Variants in PARM1 observed in about 807,000 individuals in gnomAD.
PARM1 encodes the protein WSC4, cell wall integrity and stress response component 4 homolog.
PARM1 carries 14 observed loss-of-function variants against 24.6 expected under a neutral mutation model. That is an observed-to-expected ratio of 0.57 (90% CI 0.38 to 0.89). The LOEUF is 0.89. Among genes scored for constraint, PARM1 ranks in the 40% least tolerant of loss-of-function variants. The pLI is 0.00. For synonymous variants in PARM1, 179 were observed against 156.6 expected (o/e 1.14, Z -1.07); for missense variants, 362 against 380.4 (o/e 0.95, Z 0.40).
At chr4:75,001,824 T>G (rs1028972227) in intron 1 of PARM1, among the ~76,000 whole-genome samples, 1 of 152,190 alleles carries the variant, frequency 6.6e-6, no homozygotes, top group Non-Finnish European at 1.5e-5. Flanking sequence ...CCCTCTAAGT[T>G]TGAGCTGTTT....
At chr4:75,000,430 C>G (rs540700431) in intron 1 of PARM1, among the ~76,000 whole-genome samples, 1 of 152,238 alleles carries the variant, frequency 6.6e-6, no homozygotes, top group East Asian at 1.9e-4. Context: ...ACAATATCAT[C>G]AAGGAGAAAG....
intron 1 of PARM1, among the ~76,000 whole-genome samples, chr4:75,001,505 G>A (rs995436775): frequency 3.9e-5 from 6 of 152,180 alleles, no homozygotes; most frequent in Non-Finnish European, 5.9e-5. Context: ...GGGGTGTTCC[G>A]GGGTGCTGAA....
intron 1 of PARM1, among the ~76,000 whole-genome samples, chr4:74,971,150 A>G (rs1467533545): frequency 6.6e-6 from 1 of 152,238 alleles, no homozygotes; most frequent in African/African-American, 2.4e-5. Context: ...ATAAAGAAAA[A>G]GAGGTTTAAT....
intron 1 of PARM1, among the ~76,000 whole-genome samples, chr4:74,946,950 A>C (rs1275223728): frequency 6.6e-6 from 1 of 152,208 alleles, no homozygotes; most frequent in Non-Finnish European, 1.5e-5. Context: ...TATTTTGTGA[A>C]GTGTACCATT....
chr4:74,966,445 C>T (rs1386616769), intron 1 of PARM1, among the ~76,000 whole-genome samples: 1 of 152,112 alleles, frequency 6.6e-6, no homozygotes, highest in African/African-American at 2.4e-5. Flanking sequence ...AGTTGCTAAA[C>T]CAACTGAAGA....
Position 75,041,810 on chromosome 4 carries a change from A to C in PARM1, c.849-4353A>C, listed in dbSNP as rs1723490228. On this transcript the variant is annotated intron_variant, in intron 3 of 3. Coordinates refer to ENST00000307428, the MANE Select transcript of PARM1 (RefSeq NM_015393.4). ...GAGCCACTAGAGAAAGAGAGCAATG[A>C]GGGAAGAGTTTAAAAGAAATCATTC... Among the ~76,000 whole-genome samples the C allele has an allele frequency of 3.3e-5, 5 of 152,172 alleles. No homozygotes were observed. In the South Asian group the frequency reaches 1.0e-3, roughly 32 times the overall value.
At chr4:74,940,471 G>C (rs757616051) in intron 1 of PARM1, among the ~76,000 whole-genome samples, 1 of 152,178 alleles carries the variant, frequency 6.6e-6, no homozygotes, top group Non-Finnish European at 1.5e-5. Context: ...TGGTTCACTA[G>C]CTGTGTCTTC....
chr4:75,019,871 C>T (rs540628365), intron 2 of PARM1, among the ~76,000 whole-genome samples: 55 of 150,372 alleles, frequency 3.7e-4, no homozygotes, highest in South Asian at 1.9e-3. Flanking sequence ...GGCGCGGTGG[C>T]GGGCGCCTGT....
intron 1 of PARM1, chr4:74,957,258 G>C (rs116229616): frequency 6.6e-6 from 1 of 152,182 alleles, no homozygotes; most frequent in African/African-American, 2.4e-5. Context: ...GTCCAAAGCC[G>C]CAGAGTTACT....
At chr4:75,026,671 A>T (rs1723187594) in intron 2 of PARM1, among the ~76,000 whole-genome samples, 1 of 152,136 alleles carries the variant, frequency 6.6e-6, no homozygotes, top group Non-Finnish European at 1.5e-5. Flanking sequence ...GGTCCTGAGT[A>T]CTCAACCATT....
At chr4:74,972,956 C>T (rs1722066188) in intron 1 of PARM1, among the ~76,000 whole-genome samples, 1 of 152,152 alleles carries the variant, frequency 6.6e-6, no homozygotes, top group Non-Finnish European at 1.5e-5. Context: ...AAAACATTGG[C>T]TCTGCCCCTT....
At chr4:74,999,186 G>A (rs1722632086) in intron 1 of PARM1, 1 of 152,254 alleles carries the variant, frequency 6.6e-6, no homozygotes, top group Non-Finnish European at 1.5e-5. Flanking sequence ...AAAGGACAAT[G>A]ATCCTCAGAT....
chr4:74,955,232 GAA>G (rs957577775), intron 1 of PARM1, among the ~76,000 whole-genome samples: 3 of 140,176 alleles, frequency 2.1e-5, no homozygotes, highest in African/African-American at 7.7e-5. Context: ...TTTGAAAAAT[GAA>G]AAAAAAAAAA....
intron 2 of PARM1, among the ~76,000 whole-genome samples, chr4:75,028,666 G>C (rs866292415): frequency 6.6e-6 from 1 of 152,166 alleles, no homozygotes; most frequent in Admixed American, 6.5e-5. Flanking sequence ...TGTAGCTCAG[G>C]AGTCATCTAT....
intron 3 of PARM1, among the ~76,000 whole-genome samples, chr4:75,038,497 C>T (rs959933140): frequency 4.6e-5 from 7 of 152,140 alleles, no homozygotes; most frequent in Admixed American, 1.3e-4. Context: ...ATTCAGTAGG[C>T]GTAGGGATTC....
chr4:75,032,553 G>A (rs567514779), intron 2 of PARM1, among the ~76,000 whole-genome samples: 2 of 152,222 alleles, frequency 1.3e-5, no homozygotes, highest in East Asian at 1.9e-4. Context: ...TTGAGACCTA[G>A]TACACAAGAT....
At chr4:74,975,155 C>T (rs1038981518) in intron 1 of PARM1, among the ~76,000 whole-genome samples, 6 of 152,160 alleles carry the variant, frequency 3.9e-5, no homozygotes, top group Non-Finnish European at 7.3e-5. Flanking sequence ...TGGACTTTGG[C>T]ATCCAGTTTT....
At chr4:74,973,776 A>T (rs1722087256) in intron 1 of PARM1, among the ~76,000 whole-genome samples, 2 of 152,068 alleles carry the variant, frequency 1.3e-5, no homozygotes, top group South Asian at 4.1e-4. Context: ...AACCCAGGCC[A>T]CCACCCTCAG....
chr4:74,988,758 C>T (rs1381755079), intron 1 of PARM1, among the ~76,000 whole-genome samples: 1 of 152,156 alleles, frequency 6.6e-6, no homozygotes, highest in Non-Finnish European at 1.5e-5. Flanking sequence ...AAGGAGTTGG[C>T]ATGCTAGAGT....
Sources: allele counts gnomAD v4.1 joint callset (sites outside exome capture counted in the v4.1 genomes callset), GRCh38; gene constraint gnomAD v4.1.1; transcripts MANE v1.5; gene names NCBI Gene and HGNC (gene_info 2026-07-23, HGNC 2026-07-21).